SLC24A5: variants seen among roughly 807,000 people sequenced by gnomAD.
The protein encoded by SLC24A5 is solute carrier family 24 member 5.
Under a neutral mutation model 51.6 loss-of-function variants are expected in SLC24A5, and 46 were observed. The ratio of observed to expected loss-of-function variants is 0.89; its 90% CI spans 0.70 to 1.14. The LOEUF is 1.14. Ranked by LOEUF, SLC24A5 falls within the 50% of genes most tolerant of loss-of-function variation. The pLI, the probability that SLC24A5 is intolerant of heterozygous loss-of-function variation, is 0.00. For synonymous variants in SLC24A5, 230 were observed against 214.9 expected (o/e 1.07, Z -0.62); for missense variants, 581 against 604.1 (o/e 0.96, Z 0.40).
At chr15:48,129,741 A>T (rs1028791804) in intron 2 of SLC24A5, among the ~76,000 whole-genome samples, 5 of 152,062 alleles carry the variant, frequency 3.3e-5, no homozygotes, top group Non-Finnish European at 5.9e-5. Context: ...TTATAAAAGA[A>T]ATTTAATTAA....
chr15:48,134,028 T>C (rs572048375), intron 2 of SLC24A5, among the ~76,000 whole-genome samples: 1 of 152,262 alleles, frequency 6.6e-6, no homozygotes, highest in East Asian at 1.9e-4. Context: ...TGTTTGGCAC[T>C]CAGGATATTC....
At chr15:48,122,745 C>G (rs1031198411) in intron 2 of SLC24A5, 4 of 152,198 alleles carry the variant, frequency 2.6e-5, no homozygotes, top group Admixed American at 2.0e-4. Context: ...TGCACTGGTC[C>G]CTAAACACCA....
rs747337513 is a variant in SLC24A5 at position 48,142,351 on chromosome 15, ATAT to A, written c.*6_*8del. 6.4e-7 allele frequency: 1 copy of A among 1,574,372 alleles called. No homozygotes were observed. The highest frequency in any genetic ancestry group is 1.4e-5 in the African/African-American group (1 of 73,394). On this transcript the variant is annotated 3_prime_UTR_variant, in exon 9 of 9. Transcript: ENST00000341459. ...ATAAAATAAGGGGCTGTGGAGGTTG[ATAT>A]TATTAATAGTGTTATGCAGAAAATA...
chr15:48,132,173 C>T (rs974296675), intron 2 of SLC24A5, among the ~76,000 whole-genome samples: 6 of 152,130 alleles, frequency 3.9e-5, no homozygotes, highest in Admixed American at 3.9e-4. Flanking sequence ...ACAGACTAGC[C>T]TCTACCTCAA....
Position 48,121,839 on chromosome 15 carries a change from C to T in SLC24A5, c.122-18C>T. On this transcript the variant is annotated intron_variant, in intron 1 of 8. Transcript: ENST00000341459. ...TGACTCCAAACTCTTCAAACTTTCA[C>T]CTCCTTTTCCTTAACAGGAAATAGC... is the stretch of plus-strand genomic sequence containing the variant. 1.2e-6 allele frequency: 2 copies of T among 1,613,416 alleles called. No individual in the cohort carries two copies. The highest frequency in any genetic ancestry group is 8.5e-7 in the Non-Finnish European group (1 of 1,179,474).
intron 2 of SLC24A5, among the ~76,000 whole-genome samples, chr15:48,129,370 T>A (rs965872544): frequency 3.3e-5 from 5 of 152,136 alleles, no homozygotes; most frequent in African/African-American, 1.2e-4. Context: ...AGAACCAGTT[T>A]TGCAAATCAC....
chr15:48,122,753 C>G (rs1418284056), intron 2 of SLC24A5: 1 of 152,292 alleles, frequency 6.6e-6, no homozygotes, highest in Non-Finnish European at 1.5e-5. Flanking sequence ...TCCCTAAACA[C>G]CAGGATAGCA....
intron 7 of SLC24A5, 125 bp downstream of exon 7, chr15:48,139,300 A>G (rs2038983325): frequency 1.4e-6 from 1 of 692,642 alleles, no homozygotes; most frequent in African/African-American, 1.8e-5. Flanking sequence ...GATTAGTACC[A>G]TTTACAAAAT....
At chr15:48,133,307 A>G (rs1304545880) in intron 2 of SLC24A5, among the ~76,000 whole-genome samples, 1 of 152,168 alleles carries the variant, frequency 6.6e-6, no homozygotes, top group African/African-American at 2.4e-5. Flanking sequence ...TCTATTAGCT[A>G]GTTTTTAGTT....
intron 2 of SLC24A5, among the ~76,000 whole-genome samples, chr15:48,128,638 CA>C (rs1304634830): frequency 1.3e-5 from 2 of 152,084 alleles, no homozygotes; most frequent in Non-Finnish European, 2.9e-5. Flanking sequence ...TTTACAGAAG[CA>C]AAAGCTTTAC....
intron 2 of SLC24A5, among the ~76,000 whole-genome samples, chr15:48,131,913 G>T (rs2038794011): frequency 6.6e-6 from 1 of 152,060 alleles, no homozygotes; most frequent in African/African-American, 2.4e-5. Flanking sequence ...CTTGGATTAG[G>T]GCTGGTTGGA....
rs751120052 is a variant in SLC24A5 at position 48,138,953 on chromosome 15, A to G, written c.872-16A>G. On this transcript the variant is annotated splice_polypyrimidine_tract_variant and intron_variant, in intron 6 of 8. Coordinates refer to ENST00000341459, the MANE Select transcript of SLC24A5 (RefSeq NM_205850.3). Reference sequence around the variant, plus strand: ...CATTTGAGAAAACTCAAAAGTGTTTACTTTTTCCACAACAGATCCACCAAG... The same window carrying G: ...CATTTGAGAAAACTCAAAAGTGTTTGCTTTTTCCACAACAGATCCACCAAG... 6.3e-7 allele frequency: 1 copy of G among 1,591,984 alleles called. No individual in the cohort carries two copies. Among genetic ancestry groups the G allele is most frequent in the Non-Finnish European group, 8.6e-7 (1 of 1,168,432 alleles).
At position 48,134,974 on chromosome 15, in the gene SLC24A5, C is replaced by G; in HGVS notation, c.580C>G (p.Gln194Glu). 1 of 1,604,634 alleles carries G rather than the reference C, an allele frequency of 6.2e-7. No individual in the cohort carries two copies. The change falls in exon 5 of 9, where the codon CAA becomes GAA. Residue 194 changes from glutamine to glutamate, a missense_variant. Gln to Glu is a conservative substitution (Grantham distance 29). Transcript: ENST00000341459. Reference sequence around the variant, plus strand: ...AGTTCTTGGTATAATATATGACAACCAAGTTTACTGGTAAGCTTGAAAATA... The same window carrying G: ...AGTTCTTGGTATAATATATGACAACGAAGTTTACTGGTAAGCTTGAAAATA... ...AAVLGIIYDN[Q>E]VYWYEGALLL...
intron 5 of SLC24A5, chr15:48,136,038 G>A (rs1320102929): frequency 1.3e-5 from 2 of 152,162 alleles, no homozygotes; most frequent in African/African-American, 2.4e-5. Flanking sequence ...GATGGCATTA[G>A]CTAACTGCCA....
chr15:48,127,073 G>C (rs895645726), intron 2 of SLC24A5, among the ~76,000 whole-genome samples: 2 of 152,106 alleles, frequency 1.3e-5, no homozygotes, highest in Non-Finnish European at 2.9e-5. Context: ...TTCAAATCCC[G>C]GCTCTGCCAT....
intron 6 of SLC24A5, chr15:48,137,249 TCA>T: frequency 3.3e-6 from 1 of 304,460 alleles, no homozygotes; most frequent in Non-Finnish European, 6.0e-6. Context: ...TAGGAGATTT[TCA>T]CAGAGAAGGG....
intron 6 of SLC24A5, chr15:48,138,745 C>A: frequency 2.1e-6 from 1 of 481,784 alleles, no homozygotes; most frequent in South Asian, 3.0e-5. Flanking sequence ...AGATTTAAGG[C>A]CCCAAATAAA....
At chr15:48,139,539 A>G (rs1002962422) in intron 7 of SLC24A5, 2 of 160,056 alleles carry the variant, frequency 1.2e-5, no homozygotes, top group African/African-American at 4.8e-5. Context: ...AAAAAGAACA[A>G]AAAAACAAAA....
rs1009559479 is a variant in SLC24A5 at position 48,142,058 on chromosome 15, G to A, written c.1210G>A (p.Val404Met). 19 of 1,612,840 alleles carry A rather than the reference G, an allele frequency of 1.2e-5. No individual in the cohort carries two copies. The highest frequency in any genetic ancestry group is 1.7e-4 in the Middle Eastern group (1 of 6,058). Reference protein sequence around the residue: ...GKGDMAMSNIVGSNVFDMLCL... With the variant: ...GKGDMAMSNIMGSNVFDMLCL... ...AGGAGATATGGCTATGTCTAACATC[G>A]TGGGATCCAATGTGTTTGATATGTT... The change falls in exon 9 of 9, where the codon GTG becomes ATG. Residue 404 changes from valine to methionine, a missense_variant. Physicochemically the swap from Val to Met is conservative, Grantham distance 21. Transcript: ENST00000341459.
Sources: allele counts gnomAD v4.1 joint callset (sites outside exome capture counted in the v4.1 genomes callset), GRCh38; gene constraint gnomAD v4.1.1; transcripts MANE v1.5; gene names NCBI Gene and HGNC (gene_info 2026-07-23, HGNC 2026-07-21).